Variants in EDA observed in about 807,000 individuals in gnomAD.
EDA encodes the protein ectodysplasin A, also known as ectodysplasin-A.
EDA carries 2 observed loss-of-function variants against 23.6 expected under a neutral mutation model. The observed-to-expected ratio is 0.08, with a 90% CI of 0.03 to 0.27. The LOEUF (loss-of-function observed/expected upper bound fraction) is 0.27, where lower values mean the gene tolerates loss of function less well. Ranked by LOEUF, EDA falls within the 10% of genes least tolerant of loss-of-function variation. The pLI is 1.00. For missense variants in EDA, 229 were observed against 324.2 expected, an observed-to-expected ratio of 0.71 and a Z score of 2.26; for synonymous variants, 131 against 132.0, an observed-to-expected ratio of 0.99 and a Z score of 0.05.
At chrX:69,656,584 A>G (rs1490527722) in intron 1 of EDA, among the ~76,000 whole-genome samples, 1 of 111,363 alleles carries the variant, frequency 9.0e-6, no homozygotes, top group Admixed American at 9.6e-5. Context: ...GGCCTGGGGT[A>G]TGATTTATCC....
At chrX:69,911,944 ATTG>A (rs1158737308) in intron 1 of EDA, among the ~76,000 whole-genome samples, 1 of 112,250 alleles carries the variant, frequency 8.9e-6, no homozygotes, top group African/African-American at 3.2e-5. Context: ...TCAATTGACT[ATTG>A]TTTTCACAAA....
chrX:70,014,182 C>T (rs1478514557), intron 2 of EDA, among the ~76,000 whole-genome samples: 3 of 112,505 alleles, frequency 2.7e-5, no homozygotes, highest in African/African-American at 9.7e-5. Context: ...AGGGAGCCCA[C>T]ACCCTCAGAT....
At chrX:70,018,274 C>T (rs1292531998) in intron 2 of EDA, among the ~76,000 whole-genome samples, 1 of 111,882 alleles carries the variant, frequency 8.9e-6, no homozygotes, top group East Asian at 2.8e-4. Context: ...GGTCATAATA[C>T]CCAAAGAAAT....
At position 69,685,841 on chromosome X, in the gene EDA, T is replaced by A. The variant is rs757291858; in HGVS notation, c.396+69137T>A. ...ATAAATGTAGTATGTTATGCAGCATTACAAGTTCCTTATAATCTCAACAAA... is the reference window on the plus strand; with the variant it reads ...ATAAATGTAGTATGTTATGCAGCATAACAAGTTCCTTATAATCTCAACAAA... On this transcript the variant is annotated intron_variant, in intron 1 of 7. Transcript: ENST00000374552. Among the ~76,000 whole-genome samples the A allele has an allele frequency of 8.9e-5, 10 of 112,620 alleles. No individual in the cohort carries two copies. The East Asian group carries it at 2.8e-3, about 31-fold the overall frequency.
chrX:69,621,917 A>G (rs746036853), intron 1 of EDA, among the ~76,000 whole-genome samples: 1 of 107,356 alleles, frequency 9.3e-6, no homozygotes, highest in East Asian at 2.9e-4. Context: ...TTAATTTTTT[A>G]TAGGCTCATT....
intron 6 of EDA, among the ~76,000 whole-genome samples, chrX:70,032,617 C>T (rs2020215764): frequency 9.0e-6 from 1 of 111,572 alleles, no homozygotes; most frequent in Non-Finnish European, 1.9e-5. Flanking sequence ...CACTGGCTTC[C>T]GCTGTCCAAA....
At chrX:69,743,864 G>T (rs957954813) in intron 1 of EDA, among the ~76,000 whole-genome samples, 3 of 111,639 alleles carry the variant, frequency 2.7e-5, no homozygotes, top group African/African-American at 9.8e-5. Flanking sequence ...CATCTGGTCT[G>T]AATCAATGAA....
intron 1 of EDA, among the ~76,000 whole-genome samples, chrX:69,659,122 G>T (rs1602261225): frequency 8.9e-6 from 1 of 111,902 alleles, no homozygotes; most frequent in East Asian, 2.8e-4. Flanking sequence ...ATATTAGTGT[G>T]CTCTGTTTTA....
At chrX:69,866,222 G>A (rs948251745) in intron 1 of EDA, among the ~76,000 whole-genome samples, 1 of 111,129 alleles carries the variant, frequency 9.0e-6, no homozygotes, top group African/African-American at 3.3e-5. Context: ...TAATCACAAG[G>A]TATGGTAATG....
chrX:70,022,963 C>T, intron 2 of EDA: 1 of 253,465 alleles, frequency 3.9e-6, no homozygotes, highest in Non-Finnish European at 7.4e-6. Context: ...GTACCCATTC[C>T]CTCACCCCAA....
At chrX:69,720,044 G>A (rs2804341) in intron 1 of EDA, among the ~76,000 whole-genome samples, 3 of 110,579 alleles carry the variant, frequency 2.7e-5, no homozygotes, top group South Asian at 3.8e-4. Flanking sequence ...CACCGTGCCC[G>A]GCCACCACAT....
chrX:69,806,949 A>ATTTTAGTTAAGC (rs1407690102), intron 1 of EDA, among the ~76,000 whole-genome samples: 1 of 111,232 alleles, frequency 9.0e-6, no homozygotes, highest in African/African-American at 3.3e-5. Flanking sequence ...CCATGTTAAG[A>ATTTTAGTTAAGC]TCTTAGTTAA....
intron 2 of EDA, among the ~76,000 whole-genome samples, chrX:69,976,123 T>C (rs1021690682): frequency 8.9e-6 from 1 of 112,033 alleles, no homozygotes; most frequent in African/African-American, 3.2e-5. Flanking sequence ...ACAAAAGTAA[T>C]ACATGCTCCT....
chrX:69,859,921 T>G (rs1012925492), intron 1 of EDA, among the ~76,000 whole-genome samples: 3 of 111,594 alleles, frequency 2.7e-5, no homozygotes, highest in Admixed American at 1.9e-4. Context: ...TGGGTGCATA[T>G]ATATTTAGGA....
At chrX:69,677,204 A>G (rs1934129394) in intron 1 of EDA, among the ~76,000 whole-genome samples, 1 of 104,575 alleles carries the variant, frequency 9.6e-6, no homozygotes, top group Non-Finnish European at 2.0e-5. Context: ...TATATGTGCC[A>G]CATTTTCTTA....
At chrX:69,813,816 T>TAA (rs11462972) in intron 1 of EDA, among the ~76,000 whole-genome samples, 72 of 102,060 alleles carry the variant, frequency 7.1e-4, no homozygotes, top group African/African-American at 1.0e-3. Flanking sequence ...ATGCTGCATT[T>TAA]AAAAAAAAAA....
intron 1 of EDA, among the ~76,000 whole-genome samples, chrX:69,851,556 G>A (rs2017135334): frequency 8.9e-6 from 1 of 112,058 alleles, no homozygotes; most frequent in South Asian, 3.7e-4. Flanking sequence ...ACTGTGCCTT[G>A]TGCACATTGG....
At chrX:70,028,078 G>T in intron 4 of EDA, 42 bp downstream of exon 4, 1 of 1,186,581 alleles carries the variant, frequency 8.4e-7, no homozygotes, top group South Asian at 1.9e-5. Context: ...TGCCTTTAAA[G>T]TACTTTAGGA....
At chrX:69,746,987 T>G (rs1339318015) in intron 1 of EDA, among the ~76,000 whole-genome samples, 1 of 111,724 alleles carries the variant, frequency 9.0e-6, no homozygotes, top group African/African-American at 3.3e-5. Flanking sequence ...CTGCAGTGAA[T>G]AGCAGCTTCT....
Sources: allele counts gnomAD v4.1 joint callset (sites outside exome capture counted in the v4.1 genomes callset), GRCh38; gene constraint gnomAD v4.1.1; transcripts MANE v1.5; gene names NCBI Gene and HGNC (gene_info 2026-07-23, HGNC 2026-07-21).